RBFOX1: variants seen among roughly 807,000 people sequenced by gnomAD.
RBFOX1 encodes RNA binding fox-1 homolog 1, also known as RNA binding protein fox-1 homolog 1.
A neutral mutation model predicts 57.7 loss-of-function variants in RBFOX1; 8 were observed. The observed-to-expected ratio is 0.14, with a 90% CI of 0.08 to 0.25. RBFOX1 has a LOEUF of 0.25. Among genes scored for constraint, RBFOX1 ranks in the 10% least tolerant of loss-of-function variants. The pLI is 1.00. For synonymous variants in RBFOX1, 326 were observed against 222.4 expected (o/e 1.47, Z -4.15); for missense variants, 611 against 548.5 (o/e 1.11, Z -1.14).
chr16:6,649,363 T>C (rs1412472390), intron 2 of RBFOX1, among the ~76,000 whole-genome samples: 1 of 152,188 alleles, frequency 6.6e-6, no homozygotes, highest in Non-Finnish European at 1.5e-5. Flanking sequence ...CTTAGTTTTT[T>C]GCTTTTTGTT....
At chr16:7,650,311 CTCTT>C (rs1485078206) in intron 11 of RBFOX1, among the ~76,000 whole-genome samples, 2 of 130,262 alleles carry the variant, frequency 1.5e-5, no homozygotes, top group South Asian at 3.0e-4. Context: ...CTGTGGAACT[CTCTT>C]TTTTTTTTTT....
intron 4 of RBFOX1, among the ~76,000 whole-genome samples, chr16:7,337,695 C>A (rs1166447980): frequency 6.6e-6 from 1 of 152,108 alleles, no homozygotes; most frequent in East Asian, 1.9e-4. Context: ...TGTTTGTTTG[C>A]TTGTTTTGAG....
At chr16:7,337,938 C>G (rs1355343654) in intron 4 of RBFOX1, among the ~76,000 whole-genome samples, 2 of 152,224 alleles carry the variant, frequency 1.3e-5, no homozygotes, top group African/African-American at 4.8e-5. Flanking sequence ...CCGCCTTGGC[C>G]TCCCAGAGTA....
intron 4 of RBFOX1, among the ~76,000 whole-genome samples, chr16:7,360,673 G>T (rs2097303489): frequency 6.6e-6 from 1 of 152,172 alleles, no homozygotes; most frequent in African/African-American, 2.4e-5. Flanking sequence ...TGGAATGCCT[G>T]TGTCCCTGGG....
intron 3 of RBFOX1, among the ~76,000 whole-genome samples, chr16:5,824,020 A>G (rs1351563280): frequency 1.3e-5 from 2 of 152,164 alleles, no homozygotes; most frequent in Non-Finnish European, 1.5e-5. Flanking sequence ...AGAGTTAAGG[A>G]CAAGGCCCTG....
chr16:6,804,375 A>T (rs2086219991), intron 3 of RBFOX1, among the ~76,000 whole-genome samples: 2 of 152,116 alleles, frequency 1.3e-5, no homozygotes, highest in South Asian at 2.1e-4. Flanking sequence ...TTAAATTCTA[A>T]TAGGATCCCT....
At chr16:7,343,803 C>T (rs117564018) in intron 4 of RBFOX1, among the ~76,000 whole-genome samples, 3,009 of 152,220 alleles carry the variant, frequency 0.02, 45 homozygotes, top group Non-Finnish European at 0.028. Flanking sequence ...CCATTTGCTA[C>T]CTGTGTGACC....
chr16:6,599,464 T>G (rs1601080006), intron 2 of RBFOX1, among the ~76,000 whole-genome samples: 1 of 152,158 alleles, frequency 6.6e-6, no homozygotes, highest in East Asian at 1.9e-4. Flanking sequence ...CAAGGACGCT[T>G]CAAAAAAATA....
chr16:7,271,999 G>A (rs987153778), intron 4 of RBFOX1, among the ~76,000 whole-genome samples: 3 of 152,134 alleles, frequency 2.0e-5, no homozygotes, highest in Non-Finnish European at 4.4e-5. Context: ...CCTCTTTGAA[G>A]TCATCATAGT....
intron 4 of RBFOX1, among the ~76,000 whole-genome samples, chr16:7,383,366 A>C (rs920215487): frequency 2.0e-5 from 3 of 152,106 alleles, no homozygotes; most frequent in African/African-American, 7.2e-5. Context: ...GGAGGCAAAA[A>C]CAAAAAAAGC....
chr16:5,594,790 C>G, intron 2 of RBFOX1, among the ~76,000 whole-genome samples: 1 of 151,812 alleles, frequency 6.6e-6, no homozygotes, highest in Non-Finnish European at 1.5e-5. Context: ...ATTCAGGGGC[C>G]TCCAAGATTT....
chr16:7,150,070 C>T (rs2075819498), intron 4 of RBFOX1, among the ~76,000 whole-genome samples: 5 of 152,210 alleles, frequency 3.3e-5, no homozygotes, highest in Admixed American at 3.3e-4. Flanking sequence ...CCTCCTGCCC[C>T]AGCCAGGTTG....
rs140436392 is a variant in RBFOX1 at position 6,148,625 on chromosome 16, G to A, written c.-127+128633G>A. Among the ~76,000 whole-genome samples the A allele has an allele frequency of 1.6e-4, 25 of 152,222 alleles. No individual in the cohort carries two copies. The East Asian group carries it at 4.4e-3, about 27-fold the overall frequency. ...CCCCTTTGACTAAGGCTACCTCACC[G>A]AGTGACTGTGTTCTCTAAAATGCTG... On this transcript the variant is annotated intron_variant, in intron 1 of 15. Coordinates refer to ENST00000550418, the MANE Select transcript of RBFOX1 (RefSeq NM_018723.4).
chr16:6,882,148 G>A (rs2063073058), intron 3 of RBFOX1, among the ~76,000 whole-genome samples: 1 of 152,102 alleles, frequency 6.6e-6, no homozygotes, highest in Non-Finnish European at 1.5e-5. Context: ...GATGGTCTTA[G>A]ATGCCTCATT....
At chr16:6,817,376 C>A (rs1385377158) in intron 3 of RBFOX1, among the ~76,000 whole-genome samples, 2 of 151,988 alleles carry the variant, frequency 1.3e-5, no homozygotes, top group African/African-American at 4.8e-5. Flanking sequence ...TTTAGTGTCT[C>A]ATGGTAGAAA....
At chr16:5,680,629 C>A (rs991431079) in intron 3 of RBFOX1, among the ~76,000 whole-genome samples, 11 of 151,982 alleles carry the variant, frequency 7.2e-5, no homozygotes, top group African/African-American at 2.2e-4. Flanking sequence ...TTAAAGTCAG[C>A]GGAGTGAAGG....
At chr16:6,851,455 C>T (rs764730294) in intron 3 of RBFOX1, among the ~76,000 whole-genome samples, 3 of 152,144 alleles carry the variant, frequency 2.0e-5, no homozygotes, top group Non-Finnish European at 2.9e-5. Context: ...CTACAGTTAT[C>T]TCAAAAAGTT....
intron 2 of RBFOX1, among the ~76,000 whole-genome samples, chr16:5,596,133 A>G (rs1243699836): frequency 1.3e-5 from 2 of 152,096 alleles, no homozygotes; most frequent in Non-Finnish European, 2.9e-5. Flanking sequence ...AGGGGCTGGA[A>G]AGTGTGGAAG....
At chr16:5,901,620 A>G (rs2058306835) in intron 4 of RBFOX1, among the ~76,000 whole-genome samples, 1 of 152,188 alleles carries the variant, frequency 6.6e-6, no homozygotes, top group Admixed American at 6.5e-5. Flanking sequence ...CAGAGGCCTC[A>G]TGGAGCTCAA....
Sources: gnomAD v4.1 joint callset for allele counts (sites outside exome capture counted in the v4.1 genomes callset) on GRCh38, gnomAD v4.1.1 for gene constraint, MANE v1.5 for transcripts, NCBI Gene and HGNC (gene_info 2026-07-23, HGNC 2026-07-21) for gene names.